ARMH4: variants seen among roughly 807,000 people sequenced by gnomAD.
The protein encoded by ARMH4 is armadillo-like helical domain-containing protein 4.
ARMH4 carries 49 observed loss-of-function variants against 61.9 expected under a neutral mutation model. The observed-to-expected ratio is 0.79, with a 90% CI of 0.63 to 1.00. The LOEUF (loss-of-function observed/expected upper bound fraction) is 1.00. Ranked by LOEUF, ARMH4 falls within the 50% of genes least tolerant of loss-of-function variation. The probability of loss-of-function intolerance (pLI) is 0.00; values close to 1 mark genes in which losing one functional copy is unlikely to be tolerated. For synonymous variants in ARMH4, 368 were observed against 341.5 expected (o/e 1.08, Z -0.85); for missense variants, 934 against 930.0 (o/e 1.00, Z -0.06).
chr14:58,078,339 T>C (rs74510928), intron 5 of ARMH4, among the ~76,000 whole-genome samples: 1,670 of 152,308 alleles, frequency 0.011, 30 homozygotes, highest in African/African-American at 0.037. Flanking sequence ...CTTCTTTTTC[T>C]TTCTATTTTT....
intron 4 of ARMH4, among the ~76,000 whole-genome samples, chr14:58,128,412 G>A (rs1334028273): frequency 6.6e-6 from 1 of 152,134 alleles, no homozygotes; most frequent in Non-Finnish European, 1.5e-5. Context: ...GAACATGTTT[G>A]TTATGTTTGT....
At chr14:58,041,039 C>G (rs765805794) in intron 5 of ARMH4, among the ~76,000 whole-genome samples, 1 of 152,174 alleles carries the variant, frequency 6.6e-6, no homozygotes, top group South Asian at 2.1e-4. Flanking sequence ...GCGTGAGCGA[C>G]GCAGAAGACG....
At chr14:58,119,089 C>G (rs1349070403) in intron 4 of ARMH4, among the ~76,000 whole-genome samples, 1 of 152,110 alleles carries the variant, frequency 6.6e-6, no homozygotes, top group Non-Finnish European at 1.5e-5. Flanking sequence ...GAAGAAAAGG[C>G]CCTGGTAAAT....
At chr14:58,072,242 T>C (rs1884904591) in intron 5 of ARMH4, among the ~76,000 whole-genome samples, 2 of 152,174 alleles carry the variant, frequency 1.3e-5, no homozygotes, top group African/African-American at 4.8e-5. Context: ...GATAGATGGA[T>C]TGCAAGGTTT....
At chr14:58,078,533 GA>G (rs976169480) in intron 5 of ARMH4, among the ~76,000 whole-genome samples, 2 of 152,176 alleles carry the variant, frequency 1.3e-5, no homozygotes, top group South Asian at 2.1e-4. Context: ...TCCTTGTTGG[GA>G]AAAAATCCCT....
intron 4 of ARMH4, among the ~76,000 whole-genome samples, chr14:58,112,857 C>A (rs1006177397): frequency 6.6e-6 from 1 of 152,104 alleles, no homozygotes; most frequent in Non-Finnish European, 1.5e-5. Flanking sequence ...AAATTTTGTT[C>A]CTTTGTAGGT....
rs764536923 is a variant in ARMH4, at chr14:58,138,162, G to A, written c.1197C>T (p.Thr399=). The A allele has an allele frequency of 6.2e-7, 1 of 1,614,138 alleles. No homozygotes were observed. The highest frequency in any genetic ancestry group is 8.5e-7 in the Non-Finnish European group (1 of 1,180,036). Residue 399 remains threonine, a synonymous_variant, in exon 2 of 8, where the codon ACC becomes ACT. Transcript: ENST00000267485. ...SPAFTDQSSF[T]PTSLMEDMKV... The stretch of plus-strand genomic sequence containing the variant: ...TCATGTCTTCCATCAGACTTGTGGG[G>A]GTAAAGGAACTTTGATCAGTGAAAG...
chr14:58,043,193 C>G (rs549415103), intron 5 of ARMH4, among the ~76,000 whole-genome samples: 1 of 152,060 alleles, frequency 6.6e-6, no homozygotes, highest in Non-Finnish European at 1.5e-5. Flanking sequence ...AACATCGATG[C>G]AAAAATCCTC....
At chr14:58,150,863 A>T (rs1887898001) in intron 1 of ARMH4, among the ~76,000 whole-genome samples, 1 of 152,196 alleles carries the variant, frequency 6.6e-6, no homozygotes, top group African/African-American at 2.4e-5. Context: ...GTTTCAATAG[A>T]TGCTACTGTG....
At chr14:58,092,602 T>C (rs896264849) in intron 5 of ARMH4, among the ~76,000 whole-genome samples, 2 of 152,164 alleles carry the variant, frequency 1.3e-5, no homozygotes, top group Admixed American at 6.5e-5. Context: ...TCCAGAGGCG[T>C]TGGAGGAGAA....
At chr14:58,053,086 T>C (rs1296461633) in intron 5 of ARMH4, among the ~76,000 whole-genome samples, 1 of 152,168 alleles carries the variant, frequency 6.6e-6, no homozygotes, top group Non-Finnish European at 1.5e-5. Flanking sequence ...CTTCTTCCTG[T>C]CCCAGTAAAA....
chr14:58,138,946 C>T lies in ARMH4; in HGVS notation c.413G>A (p.Ser138Asn). The change falls in exon 2 of 8, where the codon AGT becomes AAT. Residue 138 changes from serine to asparagine, a missense_variant. Coordinates refer to ENST00000267485, the MANE Select transcript of ARMH4 (RefSeq NM_001001872.4). ...SSQPERISPE[S>N]GLAKAMLTIA... Reference sequence around the variant, plus strand: ...GGTTAACATGGCCTTGGCAAGTCCACTTTCAGGAGATATTCTCTCTGGCTG... The same window carrying T: ...GGTTAACATGGCCTTGGCAAGTCCATTTTCAGGAGATATTCTCTCTGGCTG... 1.9e-6 allele frequency: 3 copies of T among 1,614,236 alleles called. No individual in the cohort carries two copies. Among genetic ancestry groups the T allele is most frequent in the Non-Finnish European group, 2.5e-6 (3 of 1,180,052 alleles).
At chr14:58,007,227 C>T (rs555845290) in intron 6 of ARMH4, among the ~76,000 whole-genome samples, 5 of 152,336 alleles carry the variant, frequency 3.3e-5, no homozygotes, top group African/African-American at 1.2e-4. Context: ...TCTCCTCATA[C>T]TCTGTAACTT....
intron 5 of ARMH4, among the ~76,000 whole-genome samples, chr14:58,079,819 C>T (rs1299576060): frequency 6.6e-6 from 1 of 152,106 alleles, no homozygotes; most frequent in African/African-American, 2.4e-5. Context: ...AGAATTGAAC[C>T]TTGATCCTTA....
chr14:58,121,314 C>G (rs1438254436), intron 4 of ARMH4, among the ~76,000 whole-genome samples: 2 of 152,172 alleles, frequency 1.3e-5, no homozygotes, highest in East Asian at 3.9e-4. Flanking sequence ...TTATGAGTGT[C>G]TAAGATAAGC....
chr14:58,093,655 T>C (rs567059791), intron 5 of ARMH4, among the ~76,000 whole-genome samples: 1 of 152,082 alleles, frequency 6.6e-6, no homozygotes, highest in East Asian at 1.9e-4. Context: ...GACCTCAGAG[T>C]CTTTAGTAAA....
chr14:58,088,932 G>A (rs188624353), intron 5 of ARMH4, among the ~76,000 whole-genome samples: 1 of 152,254 alleles, frequency 6.6e-6, no homozygotes, highest in East Asian at 1.9e-4. Flanking sequence ...AACAGAAGCT[G>A]CCTCACCCCT....
intron 5 of ARMH4, among the ~76,000 whole-genome samples, chr14:58,086,842 G>C (rs551035583): frequency 6.6e-6 from 1 of 152,258 alleles, no homozygotes; most frequent in African/African-American, 2.4e-5. Flanking sequence ...CCCAGGAAAG[G>C]CTTCGGCCAG....
rs541526079 is a variant in ARMH4, at chr14:58,004,000, T to C, written c.*736A>G. On this transcript the variant is annotated 3_prime_UTR_variant, in exon 8 of 8. Coordinates refer to ENST00000267485, the MANE Select transcript of ARMH4 (RefSeq NM_001001872.4). ...CTCTTAATCATAAACATGTATGACA[T>C]GTATGATTGAGTCTGTTGGACTCAA... 6.6e-6 allele frequency: 1 copy of C among 152,312 alleles called. No homozygotes were observed. Among genetic ancestry groups the C allele is most frequent in the South Asian group, 2.1e-4 (1 of 4,828 alleles). The allele number at this position is 152,312 out of a possible 1,614,324, so 9.4% of individuals were successfully genotyped here. A position where few individuals can be genotyped will look rare whatever the true frequency, so the allele number is the denominator to read the frequency against.
Sources: allele counts gnomAD v4.1 joint callset (sites outside exome capture counted in the v4.1 genomes callset), GRCh38; gene constraint gnomAD v4.1.1; transcripts MANE v1.5; gene names NCBI Gene and HGNC (gene_info 2026-07-23, HGNC 2026-07-21).